The following TCF20 variants were observed in gnomAD, a reference collection of about 807,000 sequenced individuals.
TCF20 encodes SPRE-binding protein.
In TCF20, 3 loss-of-function variants were observed where a neutral mutation model predicts 148.6. The observed-to-expected ratio is 0.02, with a 90% CI of 0.01 to 0.05. The LOEUF is 0.05. Ranked by LOEUF, TCF20 falls within the 10% of genes least tolerant of loss-of-function variation. TCF20 has a pLI of 1.00. For synonymous variants in TCF20, 1,049 were observed against 909.5 expected, an observed-to-expected ratio of 1.15 and a Z score of -2.76; for missense variants, 2,350 against 2,429.3, an observed-to-expected ratio of 0.97 and a Z score of 0.69.
At chr22:42,203,461 T>C (rs1473536369) in intron 2 of TCF20, among the ~76,000 whole-genome samples, 1 of 152,224 alleles carries the variant, frequency 6.6e-6, no homozygotes, top group Non-Finnish European at 1.5e-5. Context: ...TGATTTATTC[T>C]GTAAGGTAAT....
At chr22:42,342,647 C>G (rs553235333) in intron 1 of TCF20, among the ~76,000 whole-genome samples, 1 of 152,338 alleles carries the variant, frequency 6.6e-6, no homozygotes, top group Non-Finnish European at 1.5e-5. Flanking sequence ...GGACAGAGCC[C>G]TCGGGTCAGA....
chr22:42,174,984 G>A (rs1044122483), intron 3 of TCF20, among the ~76,000 whole-genome samples: 4 of 151,282 alleles, frequency 2.6e-5, no homozygotes, highest in Non-Finnish European at 4.4e-5. Flanking sequence ...GCAGTGAGCC[G>A]AGATCGCGCC....
upstream of TCF20, among the ~76,000 whole-genome samples, chr22:42,286,849 A>G (rs570646407): frequency 2.6e-5 from 4 of 152,356 alleles, no homozygotes; most frequent in East Asian, 7.7e-4. Context: ...TAGATAAGGA[A>G]TAGATGTGGG....
chr22:42,166,351 TA>T, intron 5 of TCF20, among the ~76,000 whole-genome samples: 1 of 152,342 alleles, frequency 6.6e-6, no homozygotes, highest in East Asian at 1.9e-4. Flanking sequence ...CTCACGCCTG[TA>T]ATCCCGGCAC....
At chr22:42,225,327 C>T (rs959674035) in intron 1 of TCF20, among the ~76,000 whole-genome samples, 3 of 151,936 alleles carry the variant, frequency 2.0e-5, no homozygotes, top group African/African-American at 7.2e-5. Context: ...AAAATTACAA[C>T]CCTTAGGCCG....
At chr22:42,325,631 G>T (rs965838692) in intron 1 of TCF20, among the ~76,000 whole-genome samples, 5 of 152,192 alleles carry the variant, frequency 3.3e-5, no homozygotes, top group Admixed American at 3.3e-4. Flanking sequence ...TCCCAGGTAG[G>T]CAGGACAAAG....
intron 1 of TCF20, among the ~76,000 whole-genome samples, chr22:42,229,402 C>A (rs1308139443): frequency 6.6e-6 from 1 of 152,130 alleles, no homozygotes; most frequent in Non-Finnish European, 1.5e-5. Context: ...CTGTAACTTC[C>A]ATAAACAGCA....
chr22:42,271,406 G>A (rs977454941), upstream of TCF20, among the ~76,000 whole-genome samples: 2 of 152,262 alleles, frequency 1.3e-5, no homozygotes, highest in Non-Finnish European at 2.9e-5. Flanking sequence ...TAAGGCGGAG[G>A]ATTTGCGGTG....
chr22:42,199,706 C>CAAA (rs59845847), intron 2 of TCF20, among the ~76,000 whole-genome samples: 2,250 of 33,820 alleles, frequency 0.067, 402 homozygotes, highest in Non-Finnish European at 0.085. Context: ...CCCATCTCTA[C>CAAA]AAAAAAAAAA....
chr22:42,310,022 G>C (rs560797630), intron 1 of TCF20, among the ~76,000 whole-genome samples: 1 of 152,336 alleles, frequency 6.6e-6, no homozygotes, highest in Admixed American at 6.5e-5. Context: ...TGAATCAGAG[G>C]GCAGAACAGC....
At chr22:42,269,176 T>C (rs1926454461) in intron 1 of TCF20, among the ~76,000 whole-genome samples, 1 of 152,152 alleles carries the variant, frequency 6.6e-6, no homozygotes, top group African/African-American at 2.4e-5. Flanking sequence ...TATAAAACTC[T>C]TCACTCTTCA....
chr22:42,282,017 C>T (rs754758198), intron 1 of TCF20, among the ~76,000 whole-genome samples: 2 of 152,216 alleles, frequency 1.3e-5, no homozygotes, highest in Admixed American at 6.5e-5. Flanking sequence ...GGCACAGGAC[C>T]CAAGTCCACC....
chr22:42,280,765 C>A (rs1288372328), intron 1 of TCF20, among the ~76,000 whole-genome samples: 1 of 152,202 alleles, frequency 6.6e-6, no homozygotes, highest in Non-Finnish European at 1.5e-5. Context: ...CTGGAGTTAT[C>A]TTTTTTTAAG....
At chr22:42,223,457 A>G (rs1346073501) in intron 1 of TCF20, among the ~76,000 whole-genome samples, 2 of 152,206 alleles carry the variant, frequency 1.3e-5, no homozygotes, top group East Asian at 3.8e-4. Flanking sequence ...AACTGTAGCT[A>G]TCAATTATTG....
intron 1 of TCF20, among the ~76,000 whole-genome samples, chr22:42,219,215 C>T (rs1922101775): frequency 1.3e-5 from 2 of 151,380 alleles, no homozygotes; most frequent in Admixed American, 6.6e-5. Flanking sequence ...ATTTTAAATG[C>T]ACAGTGTCAT....
chr22:42,303,559 A>AT (rs1927377197), intron 1 of TCF20, among the ~76,000 whole-genome samples: 1 of 152,254 alleles, frequency 6.6e-6, no homozygotes, highest in Admixed American at 6.5e-5. Context: ...AACTTGCCTG[A>AT]TAAGCACATG....
chr22:42,253,468 A>G (rs1925540140), intron 1 of TCF20, among the ~76,000 whole-genome samples: 1 of 152,252 alleles, frequency 6.6e-6, no homozygotes, highest in Non-Finnish European at 1.5e-5. Context: ...AAGGGATTAC[A>G]TAAATATATT....
intron 1 of TCF20, among the ~76,000 whole-genome samples, chr22:42,233,363 G>A (rs115923730): frequency 0.016 from 2,363 of 152,274 alleles, 60 homozygotes; most frequent in African/African-American, 0.053. Flanking sequence ...AGACAGGCTG[G>A]GACTAACAAG....
intron 1 of TCF20, among the ~76,000 whole-genome samples, chr22:42,264,503 C>T (rs958502480): frequency 6.6e-6 from 1 of 152,188 alleles, no homozygotes; most frequent in African/African-American, 2.4e-5. Context: ...AAGATATAAA[C>T]AGAGGGAACA....
Sources: allele counts gnomAD v4.1 joint callset (sites outside exome capture counted in the v4.1 genomes callset), GRCh38; gene constraint gnomAD v4.1.1; transcripts MANE v1.5; gene names NCBI Gene and HGNC (gene_info 2026-07-23, HGNC 2026-07-21).